SCHIP1: variants seen among roughly 807,000 people sequenced by gnomAD.
SCHIP1 encodes the protein schwannomin interacting protein 1, also known as schwannomin-interacting protein 1.
Under a neutral mutation model 29.7 loss-of-function variants are expected in SCHIP1, and 8 were observed. That is an observed-to-expected ratio of 0.27 (90% CI 0.16 to 0.49). The LOEUF is 0.49. Among genes scored for constraint, SCHIP1 ranks in the 20% least tolerant of loss-of-function variants. The pLI is 0.99. For synonymous variants in SCHIP1, 76 were observed against 94.9 expected, an observed-to-expected ratio of 0.80 and a Z score of 1.16; for missense variants, 193 against 294.6, an observed-to-expected ratio of 0.66 and a Z score of 2.52.
At chr3:159,315,957 G>A in the SCHIP1 span, among the ~76,000 whole-genome samples, 1 of 152,104 alleles carries the variant, frequency 6.6e-6, no homozygotes, top group East Asian at 1.9e-4. Flanking sequence ...TGTAAAGTGA[G>A]GAAATGGAGT....
chr3:159,334,841 G>A, the SCHIP1 span, among the ~76,000 whole-genome samples: 2 of 151,670 alleles, frequency 1.3e-5, no homozygotes, highest in Non-Finnish European at 2.9e-5. Context: ...TACAGATATA[G>A]ACATTCATGT....
chr3:159,484,790 T>C, the SCHIP1 span, among the ~76,000 whole-genome samples: 3 of 152,200 alleles, frequency 2.0e-5, no homozygotes, highest in East Asian at 5.8e-4. Context: ...CCACAATGCA[T>C]TGGCACAGAA....
chr3:159,670,319 T>G, the SCHIP1 span, among the ~76,000 whole-genome samples: 1 of 152,226 alleles, frequency 6.6e-6, no homozygotes, highest in South Asian at 2.1e-4. Flanking sequence ...TCAGAGCCTG[T>G]GTATCTAGTT....
the SCHIP1 span, among the ~76,000 whole-genome samples, chr3:159,378,362 G>A: frequency 2.6e-5 from 4 of 152,184 alleles, no homozygotes; most frequent in African/African-American, 9.7e-5. Flanking sequence ...CTTTATGAGG[G>A]TGTGTTGTTG....
At chr3:159,740,337 G>A in the SCHIP1 span, among the ~76,000 whole-genome samples, 1 of 152,182 alleles carries the variant, frequency 6.6e-6, no homozygotes, top group African/African-American at 2.4e-5. Flanking sequence ...CTGCAATCAG[G>A]ATGAGGTCTT....
chr3:159,869,202 T>C (rs1285091835), intron 2 of SCHIP1, among the ~76,000 whole-genome samples: 1 of 152,008 alleles, frequency 6.6e-6, no homozygotes, highest in Non-Finnish European at 1.5e-5. Flanking sequence ...TTTTTCACTT[T>C]TTTAATATGT....
chr3:159,625,868 G>A, the SCHIP1 span, among the ~76,000 whole-genome samples: 3 of 151,892 alleles, frequency 2.0e-5, no homozygotes, highest in African/African-American at 7.3e-5. Flanking sequence ...TAGATCAACT[G>A]TGCTTCTCCC....
At chr3:159,704,576 A>G in the SCHIP1 span, among the ~76,000 whole-genome samples, 2 of 152,184 alleles carry the variant, frequency 1.3e-5, no homozygotes, top group Non-Finnish European at 2.9e-5. Flanking sequence ...GGCATCTAGC[A>G]GTCACTTAAT....
the SCHIP1 span, among the ~76,000 whole-genome samples, chr3:159,625,300 G>A: frequency 9.9e-5 from 15 of 152,190 alleles, no homozygotes; most frequent in Non-Finnish European, 1.5e-4. Flanking sequence ...GTTTTGGGAG[G>A]CATAAATGGC....
the SCHIP1 span, among the ~76,000 whole-genome samples, chr3:159,275,726 G>T: frequency 6.6e-6 from 1 of 152,118 alleles, no homozygotes; most frequent in Non-Finnish European, 1.5e-5. Context: ...GCACATGTTT[G>T]CTTCTGTTTT....
the SCHIP1 span, among the ~76,000 whole-genome samples, chr3:159,773,894 A>G: frequency 6.6e-6 from 1 of 152,228 alleles, no homozygotes; most frequent in Non-Finnish European, 1.5e-5. Context: ...AACCAAGAAA[A>G]GGCTAGTAGG....
At chr3:159,594,460 G>A in the SCHIP1 span, among the ~76,000 whole-genome samples, 14 of 152,162 alleles carry the variant, frequency 9.2e-5, no homozygotes, top group Non-Finnish European at 1.8e-4. Flanking sequence ...GTCCATTCCA[G>A]GTAACATATG....
the SCHIP1 span, among the ~76,000 whole-genome samples, chr3:159,583,670 T>A: frequency 3.3e-5 from 5 of 152,150 alleles, no homozygotes; most frequent in Admixed American, 6.6e-5. Flanking sequence ...ATAATTTAAG[T>A]CCCTCTAAGG....
At chr3:159,721,904 CT>C in the SCHIP1 span, 1 of 434,998 alleles carries the variant, frequency 2.3e-6, no homozygotes. Context: ...CCTCTGTCTT[CT>C]TTGCTGAGGA....
chr3:159,812,761 T>G, the SCHIP1 span, among the ~76,000 whole-genome samples: 1 of 152,216 alleles, frequency 6.6e-6, no homozygotes, highest in Non-Finnish European at 1.5e-5. Context: ...TTAATAGGTG[T>G]TGTCTTAGTT....
chr3:159,711,689 T>A, the SCHIP1 span, among the ~76,000 whole-genome samples: 5 of 152,214 alleles, frequency 3.3e-5, no homozygotes, highest in African/African-American at 1.2e-4. Flanking sequence ...TTATTTTTCC[T>A]GTGTATTAGA....
At chr3:159,847,688 G>A (rs1179187986) in intron 1 of SCHIP1, among the ~76,000 whole-genome samples, 3 of 152,116 alleles carry the variant, frequency 2.0e-5, no homozygotes, top group Admixed American at 1.3e-4. Flanking sequence ...TATGGCCCAC[G>A]ATCTTTTAGA....
chr3:159,454,212 A>G, the SCHIP1 span, among the ~76,000 whole-genome samples: 1 of 152,162 alleles, frequency 6.6e-6, no homozygotes, highest in Non-Finnish European at 1.5e-5. Context: ...TTCTGATACA[A>G]TGGGTCTGGA....
the SCHIP1 span, among the ~76,000 whole-genome samples, chr3:159,624,419 G>A: frequency 2.6e-5 from 4 of 152,070 alleles, no homozygotes; most frequent in Non-Finnish European, 5.9e-5. Context: ...TGCCTTTAAC[G>A]GGCAAAGGTA....
Sources: allele counts gnomAD v4.1 joint callset (sites outside exome capture counted in the v4.1 genomes callset), GRCh38; gene constraint gnomAD v4.1.1; transcripts MANE v1.5; gene names NCBI Gene and HGNC (gene_info 2026-07-23, HGNC 2026-07-21).